The following PCDHGA2 variants were observed in gnomAD, a reference collection of about 807,000 sequenced individuals.
The protein encoded by PCDHGA2 is protocadherin gamma-A2.
PCDHGA2 carries 40 observed loss-of-function variants against 59.2 expected under a neutral mutation model. The observed-to-expected ratio is 0.68, with a 90% CI of 0.52 to 0.88. The LOEUF (loss-of-function observed/expected upper bound fraction) is 0.88. PCDHGA2 is among the 40% of genes least tolerant of loss of function. The probability of loss-of-function intolerance (pLI) is 0.00; values close to 1 mark genes in which losing one functional copy is unlikely to be tolerated. For missense variants in PCDHGA2, 1,226 were observed against 1,204.0 expected (o/e 1.02, Z -0.27); for synonymous variants, 560 against 526.0 (o/e 1.06, Z -0.89).
intron 1 of PCDHGA2, chr5:141,414,623 C>G: frequency 6.2e-7 from 1 of 1,613,938 alleles, no homozygotes; most frequent in South Asian, 1.1e-5. Context: ...GCGCTGGACC[C>G]GGACAGCAAA....
intron 1 of PCDHGA2, chr5:141,346,368 C>G (rs1318566954): frequency 6.2e-7 from 1 of 1,614,254 alleles, no homozygotes; most frequent in Non-Finnish European, 8.5e-7. Context: ...TGCGGACACG[C>G]TCATCAGCCA....
intron 1 of PCDHGA2, chr5:141,427,797 G>A (rs1194658203): frequency 6.0e-6 from 9 of 1,505,188 alleles, no homozygotes; most frequent in Admixed American, 3.4e-5. Context: ...CTACGTGTCC[G>A]TGAGCGCACA....
intron 1 of PCDHGA2, among the ~76,000 whole-genome samples, chr5:141,407,531 T>C (rs757019162): frequency 3.3e-5 from 5 of 151,462 alleles, no homozygotes; most frequent in South Asian, 2.1e-4. Context: ...TAACTTATTG[T>C]GCATTGGTAA....
chr5:141,450,210 G>T (rs2098673599), intron 1 of PCDHGA2, among the ~76,000 whole-genome samples: 1 of 151,786 alleles, frequency 6.6e-6, no homozygotes. Flanking sequence ...TAGAGACAAG[G>T]TTTCACTATG....
In PCDHGA2 at chr5:141,474,057, G is replaced by A. The variant is rs546654716; in HGVS notation, c.2425-20750G>A. Among the ~76,000 whole-genome samples, 3 of 152,192 alleles carry A rather than the reference G, an allele frequency of 2.0e-5. No homozygotes were observed. In the East Asian group the frequency reaches 5.8e-4, roughly 29 times the overall value. On this transcript the variant is annotated intron_variant, in intron 1 of 3. Transcript: ENST00000394576. ...TGTACTCCAGCCTGGATGACAGAGC[G>A]AGATCCTGCCTCAGAAACAAAAACC... is the stretch of plus-strand genomic sequence containing the variant.
At chr5:141,499,908 G>T (rs903753761) in intron 2 of PCDHGA2, among the ~76,000 whole-genome samples, 1 of 151,980 alleles carries the variant, frequency 6.6e-6, no homozygotes, top group African/African-American at 2.4e-5. Flanking sequence ...GGCTGGTCTT[G>T]AACTCCTGGC....
rs746063311 is a variant in PCDHGA2, at chr5:141,376,553, G to C, written c.2424+35158G>C. 1.7e-5 allele frequency: 28 copies of C among 1,610,698 alleles called. No homozygotes were observed. The Admixed American group carries it at 2.2e-4, about 13-fold the overall frequency. On this transcript the variant is annotated intron_variant, in intron 1 of 3. Coordinates refer to ENST00000394576, the MANE Select transcript of PCDHGA2 (RefSeq NM_018915.4). ...GCGGGAAGAGTAATCTGATCTTCCC[G>C]CAACCCAACTAATCAGACAGGCTCA...
intron 1 of PCDHGA2, chr5:141,365,043 A>AT (rs1763697788): frequency 1.2e-6 from 2 of 1,613,696 alleles, no homozygotes; most frequent in African/African-American, 2.7e-5. Context: ...GCAAACGACA[A>AT]TGCGCCCCTG....
At chr5:141,498,346 C>T (rs780832000) in intron 2 of PCDHGA2, among the ~76,000 whole-genome samples, 1 of 150,796 alleles carries the variant, frequency 6.6e-6, no homozygotes, top group Non-Finnish European at 1.5e-5. Context: ...ATGGGAAAAG[C>T]CTATGCAAAA....
intron 1 of PCDHGA2, chr5:141,390,162 A>G: frequency 6.2e-7 from 1 of 1,614,024 alleles, no homozygotes; most frequent in African/African-American, 1.3e-5. Context: ...TACAGGAAAG[A>G]CGGAGTTTAA....
chr5:141,413,418 G>C (rs748857146), intron 1 of PCDHGA2: 1 of 1,614,084 alleles, frequency 6.2e-7, no homozygotes, highest in Admixed American at 1.7e-5. Context: ...TTTTCTCTCT[G>C]AACCCGCGCA....
chr5:141,414,311 ACT>A (rs1421551588), intron 1 of PCDHGA2: 5 of 1,613,710 alleles, frequency 3.1e-6, no homozygotes, highest in Non-Finnish European at 4.2e-6. Flanking sequence ...CATGATTTAG[ACT>A]CTGAGCAGAA....
Position 141,394,738 on chromosome 5 carries a change from T to G in PCDHGA2, c.2424+53343T>G. ...GACAGAGATGCGCTCAAGCAGAGCCTCGTGGTGGCCGTCCAGGACCATGGC... is the reference window on the plus strand; with the variant it reads ...GACAGAGATGCGCTCAAGCAGAGCCGCGTGGTGGCCGTCCAGGACCATGGC... On this transcript the variant is annotated intron_variant, in intron 1 of 3. Coordinates refer to ENST00000394576, the MANE Select transcript of PCDHGA2 (RefSeq NM_018915.4). 3 of 1,613,412 alleles carry G rather than the reference T, an allele frequency of 1.9e-6. No homozygotes were observed. The African/African-American group carries it at 4.0e-5, about 21-fold the overall frequency.
intron 1 of PCDHGA2, chr5:141,366,256 C>A (rs751677361): frequency 6.2e-7 from 1 of 1,613,584 alleles, no homozygotes; most frequent in African/African-American, 1.3e-5. Flanking sequence ...AGCAGAGCCT[C>A]GTGGTGGCCG....
intron 1 of PCDHGA2, among the ~76,000 whole-genome samples, chr5:141,381,815 T>A (rs1721316177): frequency 7.0e-6 from 1 of 142,092 alleles, no homozygotes; most frequent in South Asian, 2.2e-4. Flanking sequence ...TTTCTTTCTT[T>A]CTTTCTTCTT....
At chr5:141,350,163 C>T in intron 1 of PCDHGA2, 2 of 1,140,904 alleles carry the variant, frequency 1.8e-6, no homozygotes, top group Non-Finnish European at 2.3e-6. Context: ...GAGCGCCTAA[C>T]TAATAAGTCC....
At chr5:141,483,761 GA>G (rs1376816525) in intron 1 of PCDHGA2, among the ~76,000 whole-genome samples, 1 of 152,118 alleles carries the variant, frequency 6.6e-6, no homozygotes, top group African/African-American at 2.4e-5. Flanking sequence ...TCGAGGCTTG[GA>G]AAAATATTGG....
Position 141,374,077 on chromosome 5 carries a change from G to A in PCDHGA2, c.2424+32682G>A, listed in dbSNP as rs530727064. 38 of 1,515,728 alleles carry A rather than the reference G, an allele frequency of 2.5e-5. No individual in the cohort carries two copies. The African/African-American group carries it at 3.6e-4, about 14-fold the overall frequency. 93.9% of individuals were successfully genotyped at this position (1,515,728 alleles called of 1,614,324 possible). A position where few individuals can be genotyped will look rare whatever the true frequency, so the allele number is the denominator to read the frequency against. ...TTAATCCCAGAGAAGTTCCTAATAA[G>A]CCAGTAATGGCGCCTCCGCAGAGGC... On this transcript the variant is annotated intron_variant, in intron 1 of 3. Coordinates refer to ENST00000394576, the MANE Select transcript of PCDHGA2 (RefSeq NM_018915.4).
rs545310006 is a variant in PCDHGA2 at position 141,395,123 on chromosome 5, T to C, written c.2424+53728T>C. ...ACTCGCGGAAGAGTCACCTGATCTTTCCCCAGCCCAACTACGCAGACATGC... is the reference window on the plus strand; with the variant it reads ...ACTCGCGGAAGAGTCACCTGATCTTCCCCCAGCCCAACTACGCAGACATGC... On this transcript the variant is annotated intron_variant, in intron 1 of 3. Coordinates refer to ENST00000394576, the MANE Select transcript of PCDHGA2 (RefSeq NM_018915.4). 2.5e-6 allele frequency: 4 copies of C among 1,614,148 alleles called. No homozygotes were observed. In the Admixed American group the frequency reaches 6.7e-5, roughly 27 times the overall value.
Sources: gnomAD v4.1 joint callset for allele counts (sites outside exome capture counted in the v4.1 genomes callset) on GRCh38, gnomAD v4.1.1 for gene constraint, MANE v1.5 for transcripts, NCBI Gene and HGNC (gene_info 2026-07-23, HGNC 2026-07-21) for gene names.